CSMD3: variants seen among roughly 807,000 people sequenced by gnomAD.
The protein encoded by CSMD3 is CUB and sushi domain-containing protein 3.
Under a neutral mutation model 435.2 loss-of-function variants are expected in CSMD3, and 177 were observed. That is an observed-to-expected ratio of 0.41 (90% CI 0.36 to 0.46). The LOEUF (loss-of-function observed/expected upper bound fraction) is 0.46, where lower values mean the gene tolerates loss of function less well. Among genes scored for constraint, CSMD3 ranks in the 20% least tolerant of loss-of-function variants. The pLI is 0.34. For synonymous variants in CSMD3, 1,656 were observed against 1,520.5 expected (o/e 1.09, Z -2.07); for missense variants, 4,265 against 4,504.6 (o/e 0.95, Z 1.52).
At chr8:112,953,001 T>C (rs1260374645) in intron 8 of CSMD3, among the ~76,000 whole-genome samples, 1 of 151,420 alleles carries the variant, frequency 6.6e-6, no homozygotes, top group African/African-American at 2.4e-5. Context: ...TAGAGTTACA[T>C]ACATCTTACA....
At chr8:112,841,728 G>A (rs1327353891) in intron 11 of CSMD3, among the ~76,000 whole-genome samples, 6 of 151,574 alleles carry the variant, frequency 4.0e-5, no homozygotes, top group South Asian at 2.1e-4. Flanking sequence ...GTTAGAGATC[G>A]TCACAGACTG....
At chr8:113,058,438 T>C (rs2088448142) in intron 5 of CSMD3, among the ~76,000 whole-genome samples, 1 of 151,914 alleles carries the variant, frequency 6.6e-6, no homozygotes, top group Admixed American at 6.6e-5. Context: ...TTTAATAAAC[T>C]TTCAAAACAA....
At chr8:112,513,419 A>G (rs1372228269) in intron 28 of CSMD3, among the ~76,000 whole-genome samples, 1 of 152,214 alleles carries the variant, frequency 6.6e-6, no homozygotes, top group Non-Finnish European at 1.5e-5. Context: ...ATGGAGGAAC[A>G]GTCAGTTAGG....
chr8:112,605,292 G>T (rs962629402), intron 22 of CSMD3, among the ~76,000 whole-genome samples: 1 of 152,072 alleles, frequency 6.6e-6, no homozygotes, highest in Non-Finnish European at 1.5e-5. Flanking sequence ...TTTACTCAAA[G>T]AAATATAAAT....
intron 3 of CSMD3, among the ~76,000 whole-genome samples, chr8:113,273,162 A>C (rs560697617): frequency 6.6e-4 from 101 of 152,022 alleles, no homozygotes; most frequent in African/African-American, 2.3e-3. Flanking sequence ...AAATAAAACA[A>C]ATTTTGTTTA....
chr8:113,302,233 A>T (rs1268253152), intron 2 of CSMD3, among the ~76,000 whole-genome samples: 14 of 19,978 alleles, frequency 7.0e-4, no homozygotes, highest in African/African-American at 1.3e-3. Flanking sequence ...ATATAATATA[A>T]TATATAATAT....
chr8:112,374,242 T>C (rs1246705511), intron 38 of CSMD3, among the ~76,000 whole-genome samples: 1 of 152,198 alleles, frequency 6.6e-6, no homozygotes, highest in East Asian at 1.9e-4. Flanking sequence ...ATGTTAGTTA[T>C]CCTTTGGCAC....
chr8:113,118,133 C>T (rs754375307), intron 4 of CSMD3, among the ~76,000 whole-genome samples: 1 of 152,104 alleles, frequency 6.6e-6, no homozygotes, highest in Non-Finnish European at 1.5e-5. Flanking sequence ...CTAAAACAAT[C>T]CCCCATCAGT....
chr8:113,419,944 T>C (rs982919330), intron 1 of CSMD3, among the ~76,000 whole-genome samples: 1 of 152,104 alleles, frequency 6.6e-6, no homozygotes, highest in African/African-American at 2.4e-5. Flanking sequence ...AAATATCTAA[T>C]TAAAACTTAA....
intron 27 of CSMD3, among the ~76,000 whole-genome samples, chr8:112,532,963 A>G (rs539979570): frequency 1.3e-4 from 20 of 152,254 alleles, no homozygotes; most frequent in Non-Finnish European, 2.2e-4. Flanking sequence ...GAGGAGTATG[A>G]AATCAAAATG....
intron 11 of CSMD3, among the ~76,000 whole-genome samples, chr8:112,841,512 G>A (rs766334631): frequency 2.2e-4 from 34 of 151,706 alleles, no homozygotes; most frequent in Non-Finnish European, 4.3e-4. Context: ...TTATTCCTGT[G>A]TTTATCCTTT....
At chr8:112,427,621 T>C (rs981639864) in intron 32 of CSMD3, among the ~76,000 whole-genome samples, 1 of 152,164 alleles carries the variant, frequency 6.6e-6, no homozygotes. Flanking sequence ...AACAAACTAA[T>C]ACATATGTCT....
intron 38 of CSMD3, among the ~76,000 whole-genome samples, chr8:112,362,885 T>C (rs1827388932): frequency 1.3e-5 from 2 of 151,952 alleles, no homozygotes; most frequent in Admixed American, 1.3e-4. Context: ...TTCTTAGAGA[T>C]TTTTCTTTCT....
intron 6 of CSMD3, among the ~76,000 whole-genome samples, chr8:112,999,180 G>A (rs1039025308): frequency 6.6e-6 from 1 of 151,374 alleles, no homozygotes; most frequent in Non-Finnish European, 1.5e-5. Context: ...CTGAAAGGAT[G>A]AATAGCACTA....
chr8:112,685,850 T>C, intron 14 of CSMD3, 118 bp from the exon 15 acceptor site: 2 of 724,898 alleles, frequency 2.8e-6, no homozygotes, highest in Admixed American at 2.5e-5. Flanking sequence ...TATTAAATTA[T>C]GTAAATTATA....
chr8:113,378,833 T>C (rs556144463), intron 1 of CSMD3, among the ~76,000 whole-genome samples: 104 of 151,764 alleles, frequency 6.9e-4, no homozygotes, highest in African/African-American at 2.4e-3. Context: ...GAAATACTGC[T>C]AAACATTCTT....
intron 58 of CSMD3, among the ~76,000 whole-genome samples, chr8:112,285,758 C>A (rs776559837): frequency 2.0e-5 from 3 of 151,916 alleles, no homozygotes; most frequent in Non-Finnish European, 4.4e-5. Flanking sequence ...CTCGCTCTGT[C>A]ACCTAGGCTA....
intron 4 of CSMD3, among the ~76,000 whole-genome samples, chr8:113,168,332 C>CCAA: frequency 6.6e-6 from 1 of 151,870 alleles, no homozygotes; most frequent in Non-Finnish European, 1.5e-5. Flanking sequence ...CAAGACCTGG[C>CCAA]CAACATGGTC....
chr8:112,615,135 G>A (rs79639774), intron 22 of CSMD3, among the ~76,000 whole-genome samples: 7,753 of 152,092 alleles, frequency 0.051, 254 homozygotes, highest in African/African-American at 0.097. Context: ...TCTGTATTTC[G>A]TGAACAAATT....
Sources: gnomAD v4.1 joint callset for allele counts (sites outside exome capture counted in the v4.1 genomes callset) on GRCh38, gnomAD v4.1.1 for gene constraint, MANE v1.5 for transcripts, NCBI Gene and HGNC (gene_info 2026-07-23, HGNC 2026-07-21) for gene names.